KCNN3: variants seen among roughly 807,000 people sequenced by gnomAD.
KCNN3 encodes the protein small conductance calcium-activated potassium channel protein 3.
In KCNN3, 16 loss-of-function variants were observed where a neutral mutation model predicts 62.9. The observed-to-expected ratio is 0.25, with a 90% CI of 0.17 to 0.39. KCNN3 has a LOEUF of 0.39. Among genes scored for constraint, KCNN3 ranks in the 10% least tolerant of loss-of-function variants. The pLI, the probability that KCNN3 is intolerant of heterozygous loss-of-function variation, is 1.00. For missense variants in KCNN3, 599 were observed against 949.4 expected (o/e 0.63, Z 4.85); for synonymous variants, 370 against 389.2 (o/e 0.95, Z 0.58).
At chr1:154,805,664 T>C (rs929730316) in intron 2 of KCNN3, among the ~76,000 whole-genome samples, 2 of 152,196 alleles carry the variant, frequency 1.3e-5, no homozygotes, top group Non-Finnish European at 2.9e-5. Flanking sequence ...GGGGGCCCTT[T>C]AGGGTAGTAG....
intron 3 of KCNN3, among the ~76,000 whole-genome samples, chr1:154,748,566 C>G (rs528437325): frequency 4.4e-4 from 67 of 152,334 alleles, no homozygotes; most frequent in Non-Finnish European, 7.5e-4. Flanking sequence ...TATCATTTCT[C>G]AAGTGCCAAT....
At chr1:154,859,675 A>G in intron 1 of KCNN3, 2 of 1,611,866 alleles carry the variant, frequency 1.2e-6, no homozygotes, top group Non-Finnish European at 8.5e-7. Context: ...CCTACTGGGT[A>G]ACCTGGGCAG....
intron 1 of KCNN3, among the ~76,000 whole-genome samples, chr1:154,828,312 A>T (rs1298158332): frequency 6.6e-6 from 1 of 151,526 alleles, no homozygotes; most frequent in South Asian, 2.1e-4. Context: ...GCCATGACAA[A>T]CAGGTCATAG....
intron 1 of KCNN3, among the ~76,000 whole-genome samples, chr1:154,865,556 A>G (rs1284068323): frequency 1.3e-5 from 2 of 152,182 alleles, no homozygotes; most frequent in African/African-American, 2.4e-5. Context: ...GCTTACTTCC[A>G]TCATCAGCAC....
chr1:154,828,151 C>T (rs1006963225), intron 1 of KCNN3, among the ~76,000 whole-genome samples: 3 of 152,088 alleles, frequency 2.0e-5, no homozygotes, highest in Non-Finnish European at 2.9e-5. Flanking sequence ...CATCCGAGGG[C>T]GCAGGAGTCT....
chr1:154,753,546 C>T (rs1211827189), intron 3 of KCNN3, among the ~76,000 whole-genome samples: 1 of 152,222 alleles, frequency 6.6e-6, no homozygotes. Flanking sequence ...ACACATACCC[C>T]AAAAGCCCTG....
chr1:154,803,057 G>A (rs1156325383), intron 2 of KCNN3, among the ~76,000 whole-genome samples: 3 of 152,208 alleles, frequency 2.0e-5, no homozygotes, highest in Non-Finnish European at 2.9e-5. Flanking sequence ...TAGGGATGGA[G>A]CAATTCACCA....
chr1:154,749,076 A>G (rs1485452752), intron 3 of KCNN3, among the ~76,000 whole-genome samples: 2 of 152,052 alleles, frequency 1.3e-5, no homozygotes, highest in Non-Finnish European at 2.9e-5. Context: ...GAGTGGAGAG[A>G]CTGGTGGGGA....
At chr1:154,861,048 G>A (rs1401109600) in intron 1 of KCNN3, among the ~76,000 whole-genome samples, 3 of 140,934 alleles carry the variant, frequency 2.1e-5, no homozygotes, top group Admixed American at 7.8e-5. Flanking sequence ...TCCGCCTCCC[G>A]GGTTCAAGCG....
At chr1:154,846,867 TC>T (rs1280655646) in intron 1 of KCNN3, among the ~76,000 whole-genome samples, 1 of 152,114 alleles carries the variant, frequency 6.6e-6, no homozygotes, top group Non-Finnish European at 1.5e-5. Context: ...GTGCTGTGTA[TC>T]CATCTAGACC....
chr1:154,869,391 T>A lies in KCNN3; in HGVS notation c.574A>T (p.Ser192Cys). Reference sequence around the variant, plus strand: ...TCGATGAGGTTCCTCCGGGAGGCGCTGAGGCGGCTGAGGGGCTTCATGACC... The same window carrying A: ...TCGATGAGGTTCCTCCGGGAGGCGCAGAGGCGGCTGAGGGGCTTCATGACC... Reference protein sequence around the residue: ...GGVMKPLSRLSASRRNLIEAE... With the variant: ...GGVMKPLSRLCASRRNLIEAE... Residue 192 changes from serine to cysteine, a missense_variant, in exon 1 of 8, where the codon AGC (serine) becomes TGC (cysteine). Physicochemically the swap from Ser to Cys is moderately radical, Grantham distance 112 (BLOSUM62 -1). This residue lies in a region of KCNN3 where 112 missense variants were observed against 142.9 expected (regional missense o/e 0.78). Coordinates refer to ENST00000271915, the MANE Select transcript of KCNN3 (RefSeq NM_002249.6). This position sits in a 1 kb window ranked among gnomAD's most constrained non-coding sequence, Gnocchi z 6.1. 6.2e-7 allele frequency: 1 copy of A among 1,613,974 alleles called. No individual in the cohort carries two copies. Among genetic ancestry groups the A allele is most frequent in the East Asian group, 2.2e-5 (1 of 44,866 alleles).
At position 154,868,917 on chromosome 1, in the gene KCNN3, TCTCTC is replaced by T. The variant is rs1653061539; in HGVS notation, c.933+110_933+114del. 6.8e-6 allele frequency: 7 copies of T among 1,035,038 alleles called. No homozygotes were observed. The East Asian group carries it at 1.7e-4, about 25-fold the overall frequency. 64.1% of individuals were successfully genotyped at this position (1,035,038 alleles called of 1,614,324 possible). On this transcript the variant is annotated intron_variant, in intron 1 of 7. Transcript: ENST00000271915. ...ATCTCTCAATCTCTCTCTCTCTCTC[TCTCTC>T]TCTCTCTCTCTCTCAATCTCTCTCT... is the stretch of plus-strand genomic sequence containing the variant.
In KCNN3 at chr1:154,733,047, G is replaced by A; in HGVS notation, c.1546C>T (p.His516Tyr). 6.2e-7 allele frequency: 1 copy of A among 1,614,102 alleles called. No homozygotes were observed. Among genetic ancestry groups the A allele is most frequent in the Non-Finnish European group, 8.5e-7 (1 of 1,179,954 alleles). The change falls in exon 4 of 8, where the codon CAC (histidine) becomes TAC (tyrosine). Residue 516 changes from histidine (H) to tyrosine (Y), a missense_variant. Transcript: ENST00000271915. Reference sequence around the variant, plus strand: ...CAGACACCTTTCCCACAGTATGTGTGGGGCACCATGTCCCCATAACCAATG... The same window carrying A: ...CAGACACCTTTCCCACAGTATGTGTAGGGCACCATGTCCCCATAACCAATG... ...LSIGYGDMVP[H>Y]TYCGKGVCLL... is the part of the protein sequence containing the mutation.
chr1:154,809,147 C>T lies in KCNN3; in HGVS notation c.1029+12942G>A, dbSNP rs1199608605. Among the ~76,000 whole-genome samples, 5 of 152,238 alleles carry T rather than the reference C, an allele frequency of 3.3e-5. No homozygotes were observed. The highest frequency in any genetic ancestry group is 1.2e-4 in the African/African-American group (5 of 41,448). On this transcript the variant is annotated intron_variant, in intron 2 of 7. Coordinates refer to ENST00000271915, the MANE Select transcript of KCNN3 (RefSeq NM_002249.6). This position sits in a 1 kb window ranked among gnomAD's most constrained non-coding sequence, Gnocchi z 4.3. ...CACGGTGGCCATGCCTCAGCACTCTCCTGTGACACAACGTGATCTCACCGA... is the reference window on the plus strand; with the variant it reads ...CACGGTGGCCATGCCTCAGCACTCTTCTGTGACACAACGTGATCTCACCGA...
intron 6 of KCNN3, among the ~76,000 whole-genome samples, chr1:154,713,748 T>C (rs1369608457): frequency 6.6e-6 from 1 of 152,008 alleles, no homozygotes; most frequent in East Asian, 1.9e-4. Flanking sequence ...CTTCAGTCAC[T>C]GGTTTCTTGC....
intron 1 of KCNN3, among the ~76,000 whole-genome samples, chr1:154,823,518 G>A (rs1650988655): frequency 6.6e-6 from 1 of 152,222 alleles, no homozygotes; most frequent in Non-Finnish European, 1.5e-5. Context: ...GAGGCCCAGA[G>A]GAGGGTGGGT....
intron 2 of KCNN3, among the ~76,000 whole-genome samples, chr1:154,789,205 G>C (rs1031243286): frequency 7.2e-5 from 11 of 152,078 alleles, no homozygotes; most frequent in African/African-American, 2.7e-4. Context: ...CACCACTCCA[G>C]CCTCCTGCTT....
intron 6 of KCNN3, among the ~76,000 whole-genome samples, chr1:154,714,271 TGG>T (rs1700160968): frequency 1.9e-5 from 1 of 51,376 alleles, no homozygotes; most frequent in African/African-American, 8.5e-5. Context: ...GTGTGGTATG[TGG>T]TGTGTGTGGT....
chr1:154,815,775 G>A (rs1283073562), intron 2 of KCNN3, among the ~76,000 whole-genome samples: 1 of 152,346 alleles, frequency 6.6e-6, no homozygotes, highest in Admixed American at 6.5e-5. Context: ...TTCAGGATGT[G>A]ACTTGAGCCT....
Sources: gnomAD v4.1 joint callset for allele counts (sites outside exome capture counted in the v4.1 genomes callset) on GRCh38, gnomAD v4.1.1 for gene constraint, gnomAD v4.1.1 regional missense constraint, Gnocchi (gnomAD v3.1) non-coding constraint, MANE v1.5 for transcripts, NCBI Gene and HGNC (gene_info 2026-07-23, HGNC 2026-07-21) for gene names.